The following CACNA2D1 variants were observed in gnomAD, a reference collection of about 807,000 sequenced individuals.
CACNA2D1 encodes the protein voltage-dependent calcium channel subunit alpha-2/delta-1.
A neutral mutation model predicts 171.5 loss-of-function variants in CACNA2D1; 53 were observed. That is an observed-to-expected ratio of 0.31 (90% CI 0.25 to 0.39). CACNA2D1 has a LOEUF of 0.39. Among genes scored for constraint, CACNA2D1 ranks in the 10% least tolerant of loss-of-function variants. CACNA2D1 has a pLI of 1.00. For missense variants in CACNA2D1, 903 were observed against 1,299.8 expected (o/e 0.69, Z 4.69); for synonymous variants, 442 against 443.1 (o/e 1.00, Z 0.03).
chr7:82,153,784 C>A (rs10258137), intron 4 of CACNA2D1, among the ~76,000 whole-genome samples: 144,132 of 152,012 alleles, frequency 0.95, 68,400 homozygotes, highest in East Asian at 0.97. Flanking sequence ...TCCCTCCACC[C>A]ACCAAACCTT....
chr7:82,009,406 C>T (rs1799488479), intron 15 of CACNA2D1: 1 of 152,056 alleles, frequency 6.6e-6, no homozygotes. Flanking sequence ...ATGAAACATC[C>T]TTAATTATAT....
At chr7:82,114,547 A>AGCCT (rs1428350164) in intron 6 of CACNA2D1, among the ~76,000 whole-genome samples, 1 of 152,108 alleles carries the variant, frequency 6.6e-6, no homozygotes, top group East Asian at 1.9e-4. Context: ...GTTTGAGATC[A>AGCCT]GCCTGGCCAA....
chr7:82,087,966 C>T (rs920837447), intron 6 of CACNA2D1, among the ~76,000 whole-genome samples: 1 of 152,120 alleles, frequency 6.6e-6, no homozygotes, highest in Non-Finnish European at 1.5e-5. Context: ...TATTTATACA[C>T]ACATTATCTC....
chr7:82,089,894 G>C (rs1178236653), intron 6 of CACNA2D1, among the ~76,000 whole-genome samples: 1 of 151,978 alleles, frequency 6.6e-6, no homozygotes, highest in African/African-American at 2.4e-5. Flanking sequence ...GATTTATTCA[G>C]GGTCCAAGGC....
At chr7:82,063,729 C>A (rs1273050346) in intron 9 of CACNA2D1, among the ~76,000 whole-genome samples, 1 of 152,082 alleles carries the variant, frequency 6.6e-6, no homozygotes, top group African/African-American at 2.4e-5. Flanking sequence ...ACATCTTCAA[C>A]CTTATTAGAA....
At chr7:82,202,951 G>T (rs1267667891) in intron 3 of CACNA2D1, among the ~76,000 whole-genome samples, 6 of 152,120 alleles carry the variant, frequency 3.9e-5, no homozygotes, top group African/African-American at 7.2e-5. Context: ...GCAGCCCAAT[G>T]AAGTACTCTT....
intron 4 of CACNA2D1, among the ~76,000 whole-genome samples, chr7:82,144,375 T>G (rs573775424): frequency 6.6e-6 from 1 of 152,240 alleles, no homozygotes; most frequent in South Asian, 2.1e-4. Flanking sequence ...CTCCTAAATC[T>G]GTGTCCTAGA....
chr7:82,200,574 T>C (rs142289083), intron 3 of CACNA2D1, among the ~76,000 whole-genome samples: 2 of 152,314 alleles, frequency 1.3e-5, no homozygotes, highest in African/African-American at 4.8e-5. Context: ...ATTTATACCA[T>C]GGTACTCTTT....
Position 82,005,786 on chromosome 7 carries a change from T to G in CACNA2D1, c.1494A>C (p.Lys498Asn). Residue 498 changes from lysine (K) to asparagine (N), a missense_variant, in exon 17 of 39, where the codon AAA becomes AAC. Lys to Asn is a moderately conservative substitution (Grantham distance 94). Around this residue, in one of 5 missense-constraint regions of CACNA2D1, gnomAD observed 623 missense variants for 925.5 expected, o/e 0.67. Coordinates refer to ENST00000356860, the MANE Select transcript of CACNA2D1 (RefSeq NM_000722.4). ...MGVDVSLEDI[K>N]RLTPRFTLCP... is the part of the protein sequence containing the mutation. ...TTACTGTAAAACGTGGTGTCAGTCT[T>G]TTAATATCTTCCAAAGACACATCTA... 6.2e-7 allele frequency: 1 copy of G among 1,605,960 alleles called. No individual in the cohort carries two copies. Among genetic ancestry groups the G allele is most frequent in the African/African-American group, 1.3e-5 (1 of 74,872 alleles).
rs76830166 is a variant in CACNA2D1, at chr7:82,244,899, T to C, written c.295-74290A>G. Among the ~76,000 whole-genome samples the C allele has an allele frequency of 1.9e-3, 283 of 152,282 alleles. 5 individuals are homozygous for C. In the East Asian group the frequency reaches 0.043, roughly 23 times the overall value. On this transcript the variant is annotated intron_variant, in intron 3 of 38. Transcript: ENST00000356860. ...AATCTTTCCCTAACAGTCCCAACTT[T>C]CCAACTTTAACATACTTATATAAAC... is the stretch of plus-strand genomic sequence containing the variant.
At position 82,284,785 on chromosome 7, in the gene CACNA2D1, TG is replaced by T. The variant is rs200812064; in HGVS notation, c.294+50349del. Among the ~76,000 whole-genome samples the T allele has an allele frequency of 7.8e-4, 119 of 152,238 alleles. 3 individuals are homozygous for T. In the East Asian group the frequency reaches 0.018, roughly 23 times the overall value. ...GGGTTAAGTTCCAATATAGGAGTTG[TG>T]GAGAAACATCAACATTCAGGCCATA... On this transcript the variant is annotated intron_variant, in intron 3 of 38. Coordinates refer to ENST00000356860, the MANE Select transcript of CACNA2D1 (RefSeq NM_000722.4).
intron 3 of CACNA2D1, among the ~76,000 whole-genome samples, chr7:82,268,473 T>G (rs1808204582): frequency 2.0e-5 from 3 of 152,178 alleles, no homozygotes; most frequent in African/African-American, 7.2e-5. Context: ...AAAAATTTAC[T>G]GGGGGCAACC....
At chr7:81,998,020 T>C in intron 18 of CACNA2D1, among the ~76,000 whole-genome samples, 1 of 152,082 alleles carries the variant, frequency 6.6e-6, no homozygotes, top group Non-Finnish European at 1.5e-5. Context: ...TTTATTCATA[T>C]CATTATATAA....
intron 1 of CACNA2D1, among the ~76,000 whole-genome samples, chr7:82,387,564 T>C (rs754036621): frequency 8.0e-5 from 12 of 149,830 alleles, no homozygotes; most frequent in Non-Finnish European, 1.2e-4. Context: ...TATGAAGTTA[T>C]AATATATTGA....
intron 1 of CACNA2D1, among the ~76,000 whole-genome samples, chr7:82,432,347 A>G (rs1399349850): frequency 2.0e-5 from 3 of 152,240 alleles, no homozygotes; most frequent in South Asian, 2.1e-4. Flanking sequence ...ACTGATTCTT[A>G]GATCCACTGG....
At position 82,343,765 on chromosome 7, in the gene CACNA2D1, G is replaced by A. The variant is rs528448525; in HGVS notation, c.177+5803C>T. 2.0e-5 allele frequency among the ~76,000 whole-genome samples: 3 copies of A among 152,144 alleles called. No individual in the cohort carries two copies. The East Asian group carries it at 5.8e-4, about 29-fold the overall frequency. On this transcript the variant is annotated intron_variant, in intron 2 of 38. Coordinates refer to ENST00000356860, the MANE Select transcript of CACNA2D1 (RefSeq NM_000722.4). Reference sequence around the variant, plus strand: ...TGGCCAGAAAATTCATATGCAATTAGAAGTGAAAAAGATCATACTAAATTC... The same window carrying A: ...TGGCCAGAAAATTCATATGCAATTAAAAGTGAAAAAGATCATACTAAATTC...
chr7:82,440,919 G>C (rs997177947), intron 1 of CACNA2D1, among the ~76,000 whole-genome samples: 5 of 151,102 alleles, frequency 3.3e-5, no homozygotes, highest in African/African-American at 1.2e-4. Context: ...TTCCTCTTCA[G>C]CTGATAAAAA....
At chr7:82,143,057 T>C (rs258722) in intron 4 of CACNA2D1, among the ~76,000 whole-genome samples, 16,310 of 152,034 alleles carry the variant, frequency 0.11, 1,100 homozygotes, top group Middle Eastern at 0.24. Flanking sequence ...GTGTCAGTGG[T>C]GAGGGGGGAT....
chr7:82,165,017 G>A (rs781251937), intron 4 of CACNA2D1, among the ~76,000 whole-genome samples: 3 of 151,968 alleles, frequency 2.0e-5, no homozygotes, highest in Admixed American at 1.3e-4. Context: ...AAACATCAAT[G>A]AGGATGATTC....
Sources: allele counts gnomAD v4.1 joint callset (sites outside exome capture counted in the v4.1 genomes callset), GRCh38; gene constraint gnomAD v4.1.1; regional missense constraint gnomAD v4.1.1; transcripts MANE v1.5; gene names NCBI Gene and HGNC (gene_info 2026-07-23, HGNC 2026-07-21).